The following NOVA1 variants were observed in gnomAD, a reference collection of about 807,000 sequenced individuals.
NOVA1 encodes the protein NOVA alternative splicing regulator 1, also known as RNA-binding protein Nova-1.
In NOVA1, 7 loss-of-function variants were observed where a neutral mutation model predicts 38.0. That is an observed-to-expected ratio of 0.18 (90% CI 0.10 to 0.35). The LOEUF is 0.35. Among genes scored for constraint, NOVA1 ranks in the 10% least tolerant of loss-of-function variants. The pLI is 1.00. For missense variants in NOVA1, 460 were observed against 616.0 expected, an observed-to-expected ratio of 0.75 and a Z score of 2.68; for synonymous variants, 270 against 232.5, an observed-to-expected ratio of 1.16 and a Z score of -1.47.
At chr14:26,453,226 A>C (rs1196145884) in intron 4 of NOVA1, among the ~76,000 whole-genome samples, 1 of 128,674 alleles carries the variant, frequency 7.8e-6, no homozygotes, top group Admixed American at 8.3e-5. Context: ...TTATTTTTAG[A>C]GAGGGGGGTC....
At position 26,447,963 on chromosome 14, in the gene NOVA1, C is replaced by A; in HGVS notation, c.1520G>T (p.Gly507Val). The change falls in exon 5 of 5, where the codon GGT becomes GTT. Residue 507 changes from glycine (G) to valine (V), a missense_variant. Coordinates refer to ENST00000539517, the MANE Select transcript of NOVA1 (RefSeq NM_002515.3). Reference protein sequence around the residue: ...GVRAANPQKVG With the variant: ...GVRAANPQKVV ...TCTGATGTGTAACTGGGGCACTCAACCCACTTTCTGAGGATTGGCAGCCCG... is the reference window on the plus strand; with the variant it reads ...TCTGATGTGTAACTGGGGCACTCAAACCACTTTCTGAGGATTGGCAGCCCG... The A allele has an allele frequency of 1.2e-6, 2 of 1,613,660 alleles. No individual in the cohort carries two copies. The highest frequency in any genetic ancestry group is 1.7e-6 in the Non-Finnish European group (2 of 1,179,678).
intron 4 of NOVA1, among the ~76,000 whole-genome samples, chr14:26,458,056 T>A (rs1883327197): frequency 6.6e-6 from 1 of 152,036 alleles, no homozygotes; most frequent in Non-Finnish European, 1.5e-5. Context: ...GACATACATG[T>A]GGCCAACATA....
chr14:26,516,240 T>C (rs1005668780), intron 2 of NOVA1, among the ~76,000 whole-genome samples: 1 of 152,214 alleles, frequency 6.6e-6, no homozygotes, highest in Non-Finnish European at 1.5e-5. Context: ...TATTGGGTTA[T>C]ATTTTTTCCT....
chr14:26,504,603 A>G (rs984667671), intron 2 of NOVA1, among the ~76,000 whole-genome samples: 4 of 152,316 alleles, frequency 2.6e-5, no homozygotes, highest in Admixed American at 1.3e-4. Context: ...CACCTATATT[A>G]TGCTTTTGTA....
intron 2 of NOVA1, among the ~76,000 whole-genome samples, chr14:26,488,484 A>AAC (rs1186983801): frequency 6.6e-6 from 1 of 152,170 alleles, no homozygotes; most frequent in Admixed American, 6.5e-5. Context: ...GAACCCTGAA[A>AAC]ACAGATATAT....
intron 1 of NOVA1, chr14:26,596,813 C>A: frequency 8.7e-7 from 1 of 1,149,940 alleles, no homozygotes; most frequent in Non-Finnish European, 1.1e-6. Flanking sequence ...TACTTGTGGC[C>A]CAAAGCAAGA....
At chr14:26,581,568 C>T (rs1192912279) in intron 2 of NOVA1, among the ~76,000 whole-genome samples, 3 of 151,898 alleles carry the variant, frequency 2.0e-5, no homozygotes, top group South Asian at 2.1e-4. Context: ...TATATATATA[C>T]ACAAGTCTGG....
intron 2 of NOVA1, among the ~76,000 whole-genome samples, chr14:26,585,302 T>C (rs1893450945): frequency 1.3e-5 from 2 of 151,350 alleles, no homozygotes; most frequent in South Asian, 4.1e-4. Context: ...ACCTTGATAT[T>C]TAAGTTAGTC....
In NOVA1 at chr14:26,498,533, T is replaced by G. The variant is rs188725871; in HGVS notation, c.281-18390A>C. 2.0e-3 allele frequency among the ~76,000 whole-genome samples: 308 copies of G among 152,240 alleles called. 2 individuals carry two copies. Among genetic ancestry groups the G allele is most frequent in the African/African-American group, 7.0e-3 (290 of 41,558 alleles). ...CAGAAAATGCCATATTACCATAATA[T>G]TAAAATAATTATATTTAGAGTAAAA... is the stretch of plus-strand genomic sequence containing the variant. On this transcript the variant is annotated intron_variant, in intron 2 of 4. Transcript: ENST00000539517.
At chr14:26,558,142 T>C (rs1336982576) in intron 2 of NOVA1, among the ~76,000 whole-genome samples, 3 of 152,018 alleles carry the variant, frequency 2.0e-5, no homozygotes, top group Non-Finnish European at 4.4e-5. Context: ...AATGGACAGG[T>C]AGAAAACAGG....
chr14:26,468,235 T>C (rs1018384974), intron 4 of NOVA1, among the ~76,000 whole-genome samples: 15 of 151,716 alleles, frequency 9.9e-5, no homozygotes, highest in African/African-American at 3.1e-4. Context: ...CAGGCAACTG[T>C]GGGTGGCCTC....
chr14:26,591,970 G>A (rs1321727514), intron 2 of NOVA1, among the ~76,000 whole-genome samples: 1 of 134,192 alleles, frequency 7.5e-6, no homozygotes, highest in Admixed American at 7.0e-5. Flanking sequence ...TATTAAAACA[G>A]TGTAAAATAG....
intron 2 of NOVA1, among the ~76,000 whole-genome samples, chr14:26,494,419 C>T (rs1051805661): frequency 3.9e-5 from 6 of 152,134 alleles, no homozygotes; most frequent in Non-Finnish European, 7.3e-5. Context: ...TTCCTCTTTT[C>T]TTCAAAGTGT....
At chr14:26,553,564 G>A (rs556641753) in intron 2 of NOVA1, among the ~76,000 whole-genome samples, 2 of 152,034 alleles carry the variant, frequency 1.3e-5, no homozygotes, top group African/African-American at 4.8e-5. Context: ...TTTGAAGAGA[G>A]GGAGAAAAGA....
At chr14:26,525,251 T>G (rs1889215808) in intron 2 of NOVA1, among the ~76,000 whole-genome samples, 1 of 152,168 alleles carries the variant, frequency 6.6e-6, no homozygotes, top group African/African-American at 2.4e-5. Context: ...GTTGAATGTC[T>G]CAGCTGCAAA....
intron 4 of NOVA1, among the ~76,000 whole-genome samples, chr14:26,449,521 T>C (rs2138556280): frequency 6.6e-6 from 1 of 152,294 alleles, no homozygotes; most frequent in South Asian, 2.1e-4. Flanking sequence ...GTTTCATGAC[T>C]GTCTTCAGAG....
intron 2 of NOVA1, among the ~76,000 whole-genome samples, chr14:26,528,180 C>A (rs1889436311): frequency 6.6e-6 from 1 of 152,098 alleles, no homozygotes; most frequent in Non-Finnish European, 1.5e-5. Context: ...CCTGGAAAAT[C>A]AGGGTGCTGG....
At chr14:26,545,829 A>C (rs1890756040) in intron 2 of NOVA1, among the ~76,000 whole-genome samples, 2 of 151,868 alleles carry the variant, frequency 1.3e-5, no homozygotes, top group Admixed American at 6.6e-5. Context: ...ACACATATAT[A>C]CACACACACA....
intron 2 of NOVA1, among the ~76,000 whole-genome samples, chr14:26,510,743 T>C (rs1286140073): frequency 6.6e-6 from 1 of 152,156 alleles, no homozygotes; most frequent in Admixed American, 6.5e-5. Context: ...CTGTAGTTCA[T>C]CACAAAAACT....
Sources: allele counts gnomAD v4.1 joint callset (sites outside exome capture counted in the v4.1 genomes callset), GRCh38; gene constraint gnomAD v4.1.1; transcripts MANE v1.5; gene names NCBI Gene and HGNC (gene_info 2026-07-23, HGNC 2026-07-21).